CHM: variants seen among roughly 807,000 people sequenced by gnomAD.
The protein encoded by CHM is rab proteins geranylgeranyltransferase component A 1.
In CHM, 10 loss-of-function variants were observed where a neutral mutation model predicts 49.0. That is an observed-to-expected ratio of 0.20 (90% confidence interval 0.13 to 0.35). The LOEUF is 0.35. Among genes scored for constraint, CHM ranks in the 10% least tolerant of loss-of-function variants. CHM has a pLI of 1.00. For missense variants in CHM, 455 were observed against 478.4 expected (o/e 0.95, Z 0.46); for synonymous variants, 184 against 167.5 (o/e 1.10, Z -0.76).
chrX:86,047,107 T>C, intron 1 of CHM: 1 of 266,610 alleles, frequency 3.8e-6, no homozygotes, highest in Non-Finnish European at 6.9e-6. Context: ...ATGGGGAATA[T>C]CACCTTGAAA....
intron 2 of CHM, among the ~76,000 whole-genome samples, chrX:86,008,779 G>C (rs1287730449): frequency 8.9e-6 from 1 of 111,841 alleles, no homozygotes; most frequent in Non-Finnish European, 1.9e-5. Flanking sequence ...AAAGCAGACA[G>C]AGGCAATACA....
chrX:85,936,331 G>T (rs924268259), intron 8 of CHM, among the ~76,000 whole-genome samples: 4 of 111,923 alleles, frequency 3.6e-5, no homozygotes, highest in African/African-American at 1.3e-4. Context: ...CAACTTTTAT[G>T]TAATAATACT....
At chrX:85,948,373 T>C (rs1431880693) in intron 8 of CHM, among the ~76,000 whole-genome samples, 1 of 112,077 alleles carries the variant, frequency 8.9e-6, no homozygotes, top group East Asian at 2.8e-4. Context: ...CTTGCTAGAC[T>C]AGAAAAATAT....
At chrX:85,901,263 AT>A in intron 9 of CHM, 75 bp from the exon 10 acceptor site, 1 of 638,101 alleles carries the variant, frequency 1.6e-6, no homozygotes, top group Non-Finnish European at 2.4e-6. Flanking sequence ...TCGGCTACCA[AT>A]TTTGAATCTA....
chrX:85,900,675 A>T lies in CHM; in HGVS notation c.1384T>A (p.Ser462Thr). The change falls in exon 11 of 15, where the codon TCT becomes ACT. Residue 462 changes from serine to threonine, a missense_variant. Transcript: ENST00000357749. ...TGATCTGAATCTGTTTTTAGGACAGATCTATCTGTAATCAGCACTGCCCTG... is the reference window on the plus strand; with the variant it reads ...TGATCTGAATCTGTTTTTAGGACAGTTCTATCTGTAATCAGCACTGCCCTG... The part of the protein sequence containing the change: ...ISRAVLITDR[S>T]VLKTDSDQQI... The T allele has an allele frequency of 8.4e-7, 1 of 1,189,217 alleles. No homozygotes were observed. Among genetic ancestry groups the T allele is most frequent in the Non-Finnish European group, 1.1e-6 (1 of 876,588 alleles).
chrX:85,870,883 T>C (rs1446821288), intron 14 of CHM, among the ~76,000 whole-genome samples: 1 of 111,449 alleles, frequency 9.0e-6, no homozygotes, highest in African/African-American at 3.3e-5. Context: ...TTTCGGTGCA[T>C]CTTCAAATCA....
chrX:85,993,828 G>T (rs760195674), intron 2 of CHM, among the ~76,000 whole-genome samples: 1 of 111,723 alleles, frequency 9.0e-6, no homozygotes. Context: ...TAAAACTAAT[G>T]ATGGAACTAG....
At chrX:86,033,200 A>G (rs1934108968) in intron 1 of CHM, among the ~76,000 whole-genome samples, 1 of 111,582 alleles carries the variant, frequency 9.0e-6, no homozygotes, top group Non-Finnish European at 1.9e-5. Context: ...ATTTTTCCTA[A>G]CACTATGCTT....
chrX:85,969,310 A>T (rs762021876), intron 4 of CHM: 1 of 740,521 alleles, frequency 1.4e-6, no homozygotes, highest in African/African-American at 2.3e-5. Context: ...AGATGACTTT[A>T]TGCAATTAAC....
At chrX:85,945,306 T>C (rs1265140285) in intron 8 of CHM, among the ~76,000 whole-genome samples, 1 of 109,315 alleles carries the variant, frequency 9.1e-6, no homozygotes, top group East Asian at 2.9e-4. Flanking sequence ...TGGTAGGGCC[T>C]GGTGGGAAGT....
intron 1 of CHM, among the ~76,000 whole-genome samples, chrX:86,043,840 G>A (rs1421583267): frequency 9.1e-6 from 1 of 110,081 alleles, no homozygotes; most frequent in Admixed American, 9.7e-5. Flanking sequence ...GGATGCCTGT[G>A]CCTTAGCCTA....
chrX:86,034,304 T>C (rs1487668559), intron 1 of CHM, among the ~76,000 whole-genome samples: 1 of 112,050 alleles, frequency 8.9e-6, no homozygotes, highest in East Asian at 2.8e-4. Context: ...TCTGTAAAGA[T>C]GGCAGCAGTT....
At chrX:85,932,184 G>GT in intron 8 of CHM, among the ~76,000 whole-genome samples, 1 of 111,899 alleles carries the variant, frequency 8.9e-6, no homozygotes, top group East Asian at 2.8e-4. Flanking sequence ...TGACAGATTC[G>GT]TATTTCTTAA....
At chrX:85,983,748 A>C (rs1476622818) in intron 2 of CHM, among the ~76,000 whole-genome samples, 1 of 111,819 alleles carries the variant, frequency 8.9e-6, no homozygotes, top group East Asian at 2.8e-4. Context: ...ATATATCAAA[A>C]ATCTAACATT....
intron 12 of CHM, among the ~76,000 whole-genome samples, chrX:85,891,825 G>C (rs913971039): frequency 1.1e-4 from 12 of 111,634 alleles, no homozygotes; most frequent in Non-Finnish European, 1.9e-4. Context: ...GTTGCGCCAG[G>C]AAAAGCTGCA....
chrX:85,923,345 A>T (rs1927905671), intron 8 of CHM, among the ~76,000 whole-genome samples: 1 of 112,385 alleles, frequency 8.9e-6, no homozygotes, highest in African/African-American at 3.2e-5. Flanking sequence ...GTAGCAAAGG[A>T]GATAATAATT....
chrX:86,006,383 A>G (rs1425950089), intron 2 of CHM, among the ~76,000 whole-genome samples: 2 of 111,997 alleles, frequency 1.8e-5, no homozygotes, highest in Non-Finnish European at 3.8e-5. Context: ...CACCATGCCT[A>G]TTCAACACAG....
chrX:85,899,427 T>G (rs923522571), intron 11 of CHM, among the ~76,000 whole-genome samples: 3 of 110,979 alleles, frequency 2.7e-5, no homozygotes, highest in Non-Finnish European at 5.7e-5. Context: ...TCTCTGGGGA[T>G]TCTCTTTTTC....
chrX:85,974,499 T>C (rs914776743), intron 4 of CHM, among the ~76,000 whole-genome samples: 3 of 111,716 alleles, frequency 2.7e-5, no homozygotes, highest in African/African-American at 9.7e-5. Flanking sequence ...GCCTATCACA[T>C]AGCTTCAGTA....
Sources: allele counts gnomAD v4.1 joint callset (sites outside exome capture counted in the v4.1 genomes callset), GRCh38; gene constraint gnomAD v4.1.1; transcripts MANE v1.5; gene names NCBI Gene and HGNC (gene_info 2026-07-23, HGNC 2026-07-21).